DACH2: variants seen among roughly 807,000 people sequenced by gnomAD.
The protein encoded by DACH2 is dachshund homolog 2.
Under a neutral mutation model 35.8 loss-of-function variants are expected in DACH2, and 17 were observed. The observed-to-expected ratio is 0.48, with a 90% CI of 0.33 to 0.71. The LOEUF is 0.71. Ranked by LOEUF, DACH2 falls within the 30% of genes least tolerant of loss-of-function variation. DACH2 has a pLI of 0.02. For synonymous variants in DACH2, 195 were observed against 177.3 expected (o/e 1.10, Z -0.79); for missense variants, 469 against 472.7 (o/e 0.99, Z 0.07).
At chrX:86,233,334 C>A (rs780949534) in intron 1 of DACH2, among the ~76,000 whole-genome samples, 2 of 111,549 alleles carry the variant, frequency 1.8e-5, no homozygotes, top group Non-Finnish European at 3.8e-5. Flanking sequence ...ACACCTGAAC[C>A]TAAAATACAA....
At chrX:86,256,891 T>C (rs2033531140) in intron 1 of DACH2, among the ~76,000 whole-genome samples, 1 of 111,602 alleles carries the variant, frequency 9.0e-6, no homozygotes. Context: ...AAATATAAGT[T>C]AGAAAACATT....
At chrX:86,659,745 A>G (rs772664413) in intron 4 of DACH2, among the ~76,000 whole-genome samples, 32 of 111,966 alleles carry the variant, frequency 2.9e-4, no homozygotes, top group Non-Finnish European at 5.1e-4. Context: ...ATTTCAAACA[A>G]GCATCCTCTC....
chrX:86,456,326 T>A (rs2037474388), intron 2 of DACH2, among the ~76,000 whole-genome samples: 1 of 112,379 alleles, frequency 8.9e-6, no homozygotes, highest in African/African-American at 3.2e-5. Flanking sequence ...TTTATCATTC[T>A]CTTTCCTGTT....
chrX:86,366,319 A>C (rs1280338023), intron 1 of DACH2, among the ~76,000 whole-genome samples: 1 of 111,172 alleles, frequency 9.0e-6, no homozygotes, highest in Non-Finnish European at 1.9e-5. Flanking sequence ...GTGGGATAGT[A>C]ATTAGCAGTC....
chrX:86,154,944 G>A (rs747293077), intron 1 of DACH2, among the ~76,000 whole-genome samples: 1 of 111,301 alleles, frequency 9.0e-6, no homozygotes, highest in South Asian at 3.7e-4. Flanking sequence ...GATTTTTCAT[G>A]GGAAAGAGTC....
At chrX:86,270,022 A>T (rs867060762) in intron 1 of DACH2, among the ~76,000 whole-genome samples, 33 of 100,067 alleles carry the variant, frequency 3.3e-4, no homozygotes, top group African/African-American at 1.2e-3. Context: ...ATATATATAT[A>T]TTATATATAT....
chrX:86,791,871 G>A (rs1319696766), intron 7 of DACH2, among the ~76,000 whole-genome samples: 1 of 111,520 alleles, frequency 9.0e-6, no homozygotes, highest in Admixed American at 9.6e-5. Context: ...TACAAGTAAA[G>A]GTTTGTTACA....
chrX:86,825,278 G>A (rs2042552438), intron 11 of DACH2, among the ~76,000 whole-genome samples: 1 of 110,659 alleles, frequency 9.0e-6, no homozygotes, highest in Non-Finnish European at 1.9e-5. Context: ...ATAGCCAGGT[G>A]TGATGGCACA....
At chrX:86,540,657 ATTTG>A (rs1481156965) in intron 3 of DACH2, among the ~76,000 whole-genome samples, 2 of 111,533 alleles carry the variant, frequency 1.8e-5, no homozygotes, top group African/African-American at 6.5e-5. Flanking sequence ...TTATTTATTT[ATTTG>A]TTTGTTTTTT....
intron 1 of DACH2, among the ~76,000 whole-genome samples, chrX:86,371,978 A>G (rs1212818054): frequency 9.0e-6 from 1 of 111,309 alleles, no homozygotes; most frequent in African/African-American, 3.3e-5. Context: ...TGACTAAAAG[A>G]TATTACCTGT....
At chrX:86,427,149 G>A (rs945328675) in intron 2 of DACH2, among the ~76,000 whole-genome samples, 2 of 111,509 alleles carry the variant, frequency 1.8e-5, no homozygotes, top group African/African-American at 6.5e-5. Context: ...ACCTGAGCCA[G>A]ACTGCCCTTT....
chrX:86,268,353 CACA>C (rs1334629822), intron 1 of DACH2, among the ~76,000 whole-genome samples: 1 of 111,037 alleles, frequency 9.0e-6, no homozygotes, highest in Non-Finnish European at 1.9e-5. Context: ...ATTTAAGCCT[CACA>C]ACAAATTTTG....
chrX:86,495,051 T>A (rs773060288), intron 2 of DACH2, among the ~76,000 whole-genome samples: 51 of 110,710 alleles, frequency 4.6e-4, no homozygotes, highest in African/African-American at 1.5e-3. Context: ...TTAATTTATT[T>A]ATTTATTTAT....
intron 1 of DACH2, among the ~76,000 whole-genome samples, chrX:86,332,805 C>A (rs2035236307): frequency 9.0e-6 from 1 of 111,613 alleles, no homozygotes; most frequent in Non-Finnish European, 1.9e-5. Flanking sequence ...TTAGAGAATT[C>A]CAGTGCAATA....
In DACH2 at chrX:86,566,974, A is replaced by T. The variant is rs1054734995; in HGVS notation, c.640+52583A>T. On this transcript the variant is annotated intron_variant, in intron 3 of 11. Transcript: ENST00000373125. The stretch of plus-strand genomic sequence containing the variant: ...CCACTTTCTTACACTTCTCTTACAT[A>T]TGTATGAACTCCGTTGACCAAACAT... Among the ~76,000 whole-genome samples, 3 of 111,773 alleles carry T rather than the reference A, an allele frequency of 2.7e-5. No individual in the cohort carries two copies. The Admixed American group carries it at 2.9e-4, about 11-fold the overall frequency.
chrX:86,182,109 C>CA (rs2031513107), intron 1 of DACH2, among the ~76,000 whole-genome samples: 2 of 111,797 alleles, frequency 1.8e-5, no homozygotes, highest in African/African-American at 6.5e-5. Flanking sequence ...GGACAGATTG[C>CA]AAAAATTTTC....
intron 1 of DACH2, among the ~76,000 whole-genome samples, chrX:86,300,082 AC>A (rs1470879969): frequency 1.2e-3 from 135 of 111,305 alleles, no homozygotes; most frequent in Non-Finnish European, 2.1e-3. Flanking sequence ...AATATACAAT[AC>A]ATTGTTGTTA....
At chrX:86,422,492 T>C (rs1486158778) in intron 2 of DACH2, among the ~76,000 whole-genome samples, 1 of 110,687 alleles carries the variant, frequency 9.0e-6, no homozygotes, top group Non-Finnish European at 1.9e-5. Flanking sequence ...ATCACACTTT[T>C]GAGTCTTAGT....
At chrX:86,186,956 T>C (rs1206886744) in intron 1 of DACH2, among the ~76,000 whole-genome samples, 2 of 111,959 alleles carry the variant, frequency 1.8e-5, no homozygotes, top group African/African-American at 6.5e-5. Context: ...CTAAATGTCT[T>C]ATTAAAGTCA....
Sources: gnomAD v4.1 joint callset for allele counts (sites outside exome capture counted in the v4.1 genomes callset) on GRCh38, gnomAD v4.1.1 for gene constraint, MANE v1.5 for transcripts, NCBI Gene and HGNC (gene_info 2026-07-23, HGNC 2026-07-21) for gene names.